Variants in PTPRM observed in about 807,000 individuals in gnomAD.
PTPRM encodes protein tyrosine phosphatase receptor type M.
PTPRM carries 47 observed loss-of-function variants against 186.7 expected under a neutral mutation model. The ratio of observed to expected loss-of-function variants is 0.25; its 90% confidence interval spans 0.20 to 0.32. The LOEUF (loss-of-function observed/expected upper bound fraction) is 0.32. Ranked by LOEUF, PTPRM falls within the 10% of genes least tolerant of loss-of-function variation. The pLI is 1.00. For missense variants in PTPRM, 1,494 were observed against 1,865.0 expected, an observed-to-expected ratio of 0.80 and a Z score of 3.66; for synonymous variants, 668 against 674.9, an observed-to-expected ratio of 0.99 and a Z score of 0.16.
chr18:7,668,848 A>G lies in PTPRM; in HGVS notation c.73+100957A>G, dbSNP rs2039154860. On this transcript the variant is annotated intron_variant, in intron 1 of 32. Transcript: ENST00000580170. The surrounding 1 kb of genome is among the most constrained non-coding windows in gnomAD (Gnocchi z 4.7). ...TTCTGCTTAGTCACCACCTTCTAGA[A>G]TACTATATAATTTGTCTTTTAATTA... Among the ~76,000 whole-genome samples, 2 of 151,982 alleles carry G rather than the reference A, an allele frequency of 1.3e-5. No homozygotes were observed. The highest frequency in any genetic ancestry group is 4.8e-5 in the African/African-American group (2 of 41,390).
chr18:8,369,037 AAAG>A (rs1457092201), intron 23 of PTPRM, among the ~76,000 whole-genome samples: 2 of 152,260 alleles, frequency 1.3e-5, no homozygotes, highest in Non-Finnish European at 2.9e-5. Context: ...GATGTACTTT[AAAG>A]AATGCAAAAA....
chr18:7,742,954 A>C (rs1306988860), intron 1 of PTPRM, among the ~76,000 whole-genome samples: 4 of 152,218 alleles, frequency 2.6e-5, no homozygotes, highest in Non-Finnish European at 5.9e-5. Flanking sequence ...TAGGTGCTAC[A>C]TGTGCTTTAT....
chr18:8,259,810 G>A (rs1005246579), intron 19 of PTPRM, among the ~76,000 whole-genome samples: 1 of 151,884 alleles, frequency 6.6e-6, no homozygotes, highest in Non-Finnish European at 1.5e-5. Context: ...ACCACTCCTG[G>A]CTCATGTTGT....
At chr18:8,392,944 T>C (rs1035024004) in intron 31 of PTPRM, among the ~76,000 whole-genome samples, 1 of 152,194 alleles carries the variant, frequency 6.6e-6, no homozygotes, top group African/African-American at 2.4e-5. Flanking sequence ...GACAGCTCTT[T>C]CTTAGTGTAG....
At chr18:8,088,416 T>C (rs1366548830) in intron 10 of PTPRM, among the ~76,000 whole-genome samples, 3 of 152,220 alleles carry the variant, frequency 2.0e-5, no homozygotes, top group Admixed American at 6.5e-5. Flanking sequence ...AGTGTACCAA[T>C]TGTAAGTGTA....
At chr18:7,663,442 C>G (rs2039024010) in intron 1 of PTPRM, among the ~76,000 whole-genome samples, 1 of 152,194 alleles carries the variant, frequency 6.6e-6, no homozygotes, top group Non-Finnish European at 1.5e-5. Context: ...TTCAGTCAAA[C>G]TTGAACAGGG....
intron 3 of PTPRM, among the ~76,000 whole-genome samples, chr18:7,904,154 G>A (rs2049852797): frequency 6.6e-6 from 1 of 152,030 alleles, no homozygotes; most frequent in South Asian, 2.1e-4. Context: ...AATTTTTATG[G>A]AAATCATTGT....
intron 14 of PTPRM, among the ~76,000 whole-genome samples, chr18:8,209,102 G>A (rs1410412665): frequency 1.3e-5 from 2 of 152,148 alleles, no homozygotes; most frequent in Non-Finnish European, 2.9e-5. Flanking sequence ...GAGTCCCGTC[G>A]GAAGGTTTTG....
chr18:8,057,425 C>CTTTTTTTTTTTTTTTTTTTTTGTTTTT (rs2088072606), intron 7 of PTPRM, among the ~76,000 whole-genome samples: 1 of 102,562 alleles, frequency 9.8e-6, no homozygotes, highest in African/African-American at 4.3e-5. Context: ...TGTGATACTT[C>CTTTTTTTTTTTTTTTTTTTTTGTTTTT]TTTTTTTTTT....
At chr18:8,266,229 G>T (rs918070678) in intron 19 of PTPRM, among the ~76,000 whole-genome samples, 3 of 152,114 alleles carry the variant, frequency 2.0e-5, no homozygotes, top group Non-Finnish European at 4.4e-5. Flanking sequence ...TGTCTGAAAT[G>T]TGGTTATGAT....
chr18:7,835,044 T>A (rs1041005923), intron 2 of PTPRM, among the ~76,000 whole-genome samples: 2 of 150,304 alleles, frequency 1.3e-5, no homozygotes, highest in African/African-American at 2.4e-5. Flanking sequence ...CTGTTTAACT[T>A]TTCAAAAAAA....
intron 23 of PTPRM, among the ~76,000 whole-genome samples, chr18:8,351,485 C>A (rs2095533868): frequency 1.3e-5 from 2 of 152,196 alleles, no homozygotes; most frequent in Admixed American, 6.5e-5. Context: ...ACCTTCTCAG[C>A]CATTCCTGTG....
chr18:8,390,327 A>G (rs2095803096), intron 31 of PTPRM, among the ~76,000 whole-genome samples: 1 of 152,268 alleles, frequency 6.6e-6, no homozygotes, highest in South Asian at 2.1e-4. Flanking sequence ...CAAAGCTTCT[A>G]GAAGAAAACA....
chr18:8,120,194 C>T (rs1489699660), intron 13 of PTPRM, among the ~76,000 whole-genome samples: 1 of 152,140 alleles, frequency 6.6e-6, no homozygotes, highest in African/African-American at 2.4e-5. Context: ...GGTAGGCCTG[C>T]TGGCCCATTT....
chr18:7,631,575 C>T (rs983747131), intron 1 of PTPRM, among the ~76,000 whole-genome samples: 46 of 152,046 alleles, frequency 3.0e-4, no homozygotes, highest in African/African-American at 1.1e-3. Context: ...GTCCAGCCCG[C>T]GGCCCAGGAT....
At chr18:8,204,614 A>G (rs1323948676) in intron 14 of PTPRM, among the ~76,000 whole-genome samples, 1 of 152,100 alleles carries the variant, frequency 6.6e-6, no homozygotes, top group African/African-American at 2.4e-5. Flanking sequence ...TCCTATTAGC[A>G]AAAGAAGGGG....
At chr18:8,011,962 A>G (rs8098105) in intron 7 of PTPRM, among the ~76,000 whole-genome samples, 3,568 of 152,328 alleles carry the variant, frequency 0.023, 141 homozygotes, top group African/African-American at 0.082. Context: ...GTTTCCTTGC[A>G]CATTTTTTCC....
In PTPRM at chr18:7,868,157, G is replaced by A. The variant is rs1010666345; in HGVS notation, c.197-19949G>A. Among the ~76,000 whole-genome samples, 9 of 152,044 alleles carry A rather than the reference G, an allele frequency of 5.9e-5. No homozygotes were observed. In the East Asian group the frequency reaches 7.7e-4, roughly 13 times the overall value. ...GCATTAGGACATGCTCCTTTAGCTC[G>A]GAGGAGTTCGTTATTACCCACCTTC... is the stretch of plus-strand genomic sequence containing the variant. On this transcript the variant is annotated intron_variant, in intron 2 of 32. Transcript: ENST00000580170.
chr18:7,878,950 A>T (rs933376375), intron 2 of PTPRM, among the ~76,000 whole-genome samples: 1 of 152,174 alleles, frequency 6.6e-6, no homozygotes, highest in African/African-American at 2.4e-5. Context: ...TCACTACTCA[A>T]TTGTTGTATG....
Sources: allele counts gnomAD v4.1 joint callset (sites outside exome capture counted in the v4.1 genomes callset), GRCh38; gene constraint gnomAD v4.1.1; non-coding constraint Gnocchi (gnomAD v3.1); transcripts MANE v1.5; gene names NCBI Gene and HGNC (gene_info 2026-07-23, HGNC 2026-07-21).